Variants in ITPR2 observed in about 807,000 individuals in gnomAD.
ITPR2 encodes the protein inositol 1,4,5-trisphosphate receptor type 2, also known as inositol 1,4,5-trisphosphate-gated calcium channel ITPR2.
ITPR2 carries 207 observed loss-of-function variants against 317.1 expected under a neutral mutation model. The observed-to-expected ratio is 0.65, with a 90% CI of 0.58 to 0.73. ITPR2 has a LOEUF of 0.73. Among genes scored for constraint, ITPR2 ranks in the 30% least tolerant of loss-of-function variants. The pLI is 0.00. For synonymous variants in ITPR2, 1,156 were observed against 1,149.1 expected (o/e 1.01, Z -0.12); for missense variants, 2,613 against 3,284.0 (o/e 0.80, Z 4.99).
chr12:26,669,630 C>T lies in ITPR2; in HGVS notation c.1410-3579G>A, dbSNP rs550213187. 2.4e-3 allele frequency among the ~76,000 whole-genome samples: 369 copies of T among 152,286 alleles called. 1 individual carries two copies. Among genetic ancestry groups the T allele is most frequent in the African/African-American group, 8.6e-3 (357 of 41,570 alleles). ...TCCCAGCGTGAGTGAAGCAGAAGAC[C>T]GGTGATTTCTGCATTTCCATCTGAG... On this transcript the variant is annotated intron_variant, in intron 13 of 56. Coordinates refer to ENST00000381340, the MANE Select transcript of ITPR2 (RefSeq NM_002223.4).
At chr12:26,819,027 T>C (rs1783148787) in intron 1 of ITPR2, among the ~76,000 whole-genome samples, 2 of 152,230 alleles carry the variant, frequency 1.3e-5, no homozygotes, top group Admixed American at 1.3e-4. Context: ...ACTTGGTATC[T>C]TCACCTCAAA....
At chr12:26,427,312 T>C (rs1941089688) in intron 49 of ITPR2, among the ~76,000 whole-genome samples, 1 of 152,126 alleles carries the variant, frequency 6.6e-6, no homozygotes, top group Non-Finnish European at 1.5e-5. Flanking sequence ...AAATTGTATT[T>C]CTCGGGTAAA....
chr12:26,549,856 A>T (rs1025764555), intron 37 of ITPR2, among the ~76,000 whole-genome samples: 8 of 151,946 alleles, frequency 5.3e-5, no homozygotes, highest in Non-Finnish European at 1.2e-4. Flanking sequence ...TATTTATAAT[A>T]AAAAAATCAA....
At chr12:26,769,313 G>C (rs761152436) in intron 2 of ITPR2, among the ~76,000 whole-genome samples, 1 of 152,056 alleles carries the variant, frequency 6.6e-6, no homozygotes. Context: ...CCACCCACCA[G>C]CAATGTTTGC....
chr12:26,562,521 G>A (rs1430467320), intron 34 of ITPR2, among the ~76,000 whole-genome samples: 1 of 152,216 alleles, frequency 6.6e-6, no homozygotes. Context: ...GAGAATGCTT[G>A]TCACAAAGAA....
Position 26,348,965 on chromosome 12 carries a change from G to C in ITPR2, c.7858-8637C>G, listed in dbSNP as rs113942521. Among the ~76,000 whole-genome samples the C allele has an allele frequency of 6.6e-4, 101 of 151,908 alleles. 2 individuals are homozygous for C. The highest frequency in any genetic ancestry group is 1.9e-3 in the South Asian group (9 of 4,770). ...CACCTATAGTCCATCTTGGTCAACAGAGCAAGACCTCATCTCTACTAAAAA... is the reference window on the plus strand; with the variant it reads ...CACCTATAGTCCATCTTGGTCAACACAGCAAGACCTCATCTCTACTAAAAA... On this transcript the variant is annotated intron_variant, in intron 55 of 56. Coordinates refer to ENST00000381340, the MANE Select transcript of ITPR2 (RefSeq NM_002223.4).
chr12:26,484,372 T>C (rs1942614626), intron 41 of ITPR2, among the ~76,000 whole-genome samples: 1 of 152,116 alleles, frequency 6.6e-6, no homozygotes, highest in African/African-American at 2.4e-5. Flanking sequence ...GTTCATTAAT[T>C]ATAAATGATA....
intron 37 of ITPR2, among the ~76,000 whole-genome samples, chr12:26,541,363 TA>T (rs1477513249): frequency 6.6e-6 from 1 of 151,938 alleles, no homozygotes; most frequent in Non-Finnish European, 1.5e-5. Context: ...ACAACCACAA[TA>T]TACATGGGAA....
chr12:26,496,837 G>A (rs1028591520), intron 37 of ITPR2, among the ~76,000 whole-genome samples: 2 of 151,546 alleles, frequency 1.3e-5, no homozygotes, highest in South Asian at 2.1e-4. Flanking sequence ...CCAGCTACTT[G>A]GGAGGCTGAG....
At chr12:26,609,761 G>T (rs1233387751) in intron 26 of ITPR2, among the ~76,000 whole-genome samples, 1 of 152,160 alleles carries the variant, frequency 6.6e-6, no homozygotes, top group Non-Finnish European at 1.5e-5. Flanking sequence ...AAATAACCAA[G>T]TAATTCAAAT....
chr12:26,633,897 A>C (rs1426830629), intron 21 of ITPR2, among the ~76,000 whole-genome samples: 1 of 152,254 alleles, frequency 6.6e-6, no homozygotes, highest in African/African-American at 2.4e-5. Flanking sequence ...CAGTGTCTGC[A>C]TCTTATTTAG....
chr12:26,483,764 T>C lies in ITPR2; in HGVS notation c.5946A>G (p.Val1982=). 1.2e-6 allele frequency: 2 copies of C among 1,614,216 alleles called. No homozygotes were observed. The highest frequency in any genetic ancestry group is 8.5e-7 in the Non-Finnish European group (1 of 1,180,002). Residue 1982 remains valine (V), a synonymous_variant, in exon 42 of 57, where the codon GTA becomes GTG. Transcript: ENST00000381340. ...TCTCCAGGTTCTGGTTGACCAGCGC[T>C]ACATTCTTCTCATTGATGTAGAGAC... ...LLGLYINEKN[V]ALVNQNLESL... is the part of the protein sequence containing the mutation.
intron 29 of ITPR2, among the ~76,000 whole-genome samples, chr12:26,599,591 T>C (rs1193715850): frequency 6.6e-6 from 1 of 152,192 alleles, no homozygotes; most frequent in African/African-American, 2.4e-5. Context: ...GGCAACAGTA[T>C]TCTTGAGACT....
intron 22 of ITPR2, among the ~76,000 whole-genome samples, chr12:26,630,894 C>T (rs752525255): frequency 6.6e-6 from 1 of 152,062 alleles, no homozygotes; most frequent in Non-Finnish European, 1.5e-5. Context: ...AAACTTTAAA[C>T]GATTTTTCAG....
chr12:26,646,810 C>T (rs183475547), intron 21 of ITPR2, among the ~76,000 whole-genome samples: 41 of 152,208 alleles, frequency 2.7e-4, no homozygotes, highest in African/African-American at 9.9e-4. Context: ...TTTTAAGTGA[C>T]TCCTCATTTT....
At chr12:26,593,745 T>G (rs568023711) in intron 32 of ITPR2, among the ~76,000 whole-genome samples, 32 of 152,302 alleles carry the variant, frequency 2.1e-4, no homozygotes, top group Admixed American at 5.2e-4. Flanking sequence ...TTGTTTTTTT[T>G]TTTGTGTTTT....
At chr12:26,456,527 GCT>G (rs1941889730) in intron 45 of ITPR2, among the ~76,000 whole-genome samples, 1 of 152,158 alleles carries the variant, frequency 6.6e-6, no homozygotes. Flanking sequence ...CCTCGGTGCT[GCT>G]CTGTTTATGG....
intron 46 of ITPR2, among the ~76,000 whole-genome samples, chr12:26,439,992 C>T (rs1001380895): frequency 1.3e-5 from 2 of 152,072 alleles, no homozygotes; most frequent in African/African-American, 4.8e-5. Flanking sequence ...GCTTATGTAG[C>T]CTAAATTTCA....
intron 2 of ITPR2, among the ~76,000 whole-genome samples, chr12:26,750,376 C>T (rs148438404): frequency 2.0e-5 from 3 of 152,298 alleles, no homozygotes; most frequent in Admixed American, 2.0e-4. Flanking sequence ...CCCATCATGT[C>T]CTTATAGATG....
Sources: allele counts gnomAD v4.1 joint callset (sites outside exome capture counted in the v4.1 genomes callset), GRCh38; gene constraint gnomAD v4.1.1; transcripts MANE v1.5; gene names NCBI Gene and HGNC (gene_info 2026-07-23, HGNC 2026-07-21).